Variants in AUTS2 observed in about 807,000 individuals in gnomAD.
The protein encoded by AUTS2 is autism susceptibility gene 2 protein.
A neutral mutation model predicts 112.4 loss-of-function variants in AUTS2; 17 were observed. The observed-to-expected ratio is 0.15, with a 90% CI of 0.10 to 0.23. AUTS2 has a LOEUF of 0.23. Among genes scored for constraint, AUTS2 ranks in the 10% least tolerant of loss-of-function variants. AUTS2 has a pLI of 1.00. For synonymous variants in AUTS2, 751 were observed against 702.7 expected (o/e 1.07, Z -1.09); for missense variants, 1,510 against 1,701.6 (o/e 0.89, Z 1.98).
chr7:70,661,215 T>C (rs774182179), intron 5 of AUTS2, among the ~76,000 whole-genome samples: 5 of 151,924 alleles, frequency 3.3e-5, no homozygotes, highest in Non-Finnish European at 7.4e-5. Context: ...ACATAGGTTG[T>C]TTCAGAAGAA....
intron 1 of AUTS2, among the ~76,000 whole-genome samples, chr7:69,739,905 T>C (rs899497049): frequency 6.6e-6 from 1 of 152,204 alleles, no homozygotes; most frequent in African/African-American, 2.4e-5. Context: ...TCTGGAGAAT[T>C]AGAAACCAGC....
chr7:70,310,623 AAAAG>A (rs1296905564), intron 4 of AUTS2, among the ~76,000 whole-genome samples: 1 of 151,728 alleles, frequency 6.6e-6, no homozygotes. Flanking sequence ...AAAAAAAAAA[AAAAG>A]AAAGAAGTCA....
intron 2 of AUTS2, among the ~76,000 whole-genome samples, chr7:69,967,301 T>G (rs1364242183): frequency 1.4e-5 from 2 of 141,314 alleles, no homozygotes; most frequent in African/African-American, 5.6e-5. Flanking sequence ...AGGAGAAGGT[T>G]GTCCTTCTGG....
chr7:70,191,709 ATTGT>A (rs1396529047), intron 4 of AUTS2, among the ~76,000 whole-genome samples: 1 of 152,176 alleles, frequency 6.6e-6, no homozygotes, highest in Non-Finnish European at 1.5e-5. Context: ...AATGCAACAG[ATTGT>A]TTGTAACCAT....
intron 4 of AUTS2, among the ~76,000 whole-genome samples, chr7:70,279,855 C>A (rs1263639128): frequency 2.0e-5 from 3 of 152,118 alleles, no homozygotes; most frequent in African/African-American, 7.2e-5. Flanking sequence ...ATGCCCCCTT[C>A]CATTGTAAAA....
At chr7:70,359,401 C>T (rs1314051042) in intron 4 of AUTS2, among the ~76,000 whole-genome samples, 2 of 152,158 alleles carry the variant, frequency 1.3e-5, no homozygotes, top group African/African-American at 4.8e-5. Flanking sequence ...GAATACCTGA[C>T]ACTGGGTAAT....
chr7:70,234,537 G>A (rs918287737), intron 4 of AUTS2, among the ~76,000 whole-genome samples: 1 of 152,050 alleles, frequency 6.6e-6, no homozygotes, highest in Non-Finnish European at 1.5e-5. Context: ...CTGTCTTAAC[G>A]GCTCTGTGGT....
intron 1 of AUTS2, among the ~76,000 whole-genome samples, chr7:69,689,479 T>C (rs1797219135): frequency 6.7e-6 from 1 of 149,242 alleles, no homozygotes. Flanking sequence ...GCTTTCCGAG[T>C]AGCTGGGACT....
intron 4 of AUTS2, among the ~76,000 whole-genome samples, chr7:70,151,806 T>G (rs1339701171): frequency 6.6e-6 from 1 of 152,170 alleles, no homozygotes; most frequent in Non-Finnish European, 1.5e-5. Context: ...TTCAAGTGAC[T>G]TAACTGAATT....
chr7:70,311,526 A>T (rs545693117), intron 4 of AUTS2, among the ~76,000 whole-genome samples: 4 of 152,068 alleles, frequency 2.6e-5, no homozygotes, highest in Non-Finnish European at 5.9e-5. Context: ...CCTATGGGGA[A>T]ATCTCTTTTT....
At chr7:70,605,546 C>CTTTTTTTTTTTTTTTTT in intron 5 of AUTS2, among the ~76,000 whole-genome samples, 22 of 70,678 alleles carry the variant, frequency 3.1e-4, no homozygotes, top group African/African-American at 4.0e-4. Flanking sequence ...CCTTCTTTCT[C>CTTTTTTTTTTTTTTTTT]TTTTTTTTTT....
At chr7:70,212,632 G>A (rs1584883738) in intron 4 of AUTS2, among the ~76,000 whole-genome samples, 1 of 151,146 alleles carries the variant, frequency 6.6e-6, no homozygotes, top group Non-Finnish European at 1.5e-5. Flanking sequence ...AAAATCTCTG[G>A]ATTACTTTAA....
intron 5 of AUTS2, among the ~76,000 whole-genome samples, chr7:70,514,450 A>G (rs920475867): frequency 1.3e-5 from 2 of 152,230 alleles, no homozygotes; most frequent in African/African-American, 4.8e-5. Context: ...GAAAGCAAAG[A>G]GGGAGCCAAT....
intron 2 of AUTS2, among the ~76,000 whole-genome samples, chr7:69,959,658 G>A (rs929430333): frequency 2.0e-5 from 3 of 151,922 alleles, no homozygotes; most frequent in South Asian, 2.1e-4. Flanking sequence ...AAAGCTTTAC[G>A]TCTCTTATCC....
chr7:69,912,978 A>G (rs1795425724), intron 2 of AUTS2, among the ~76,000 whole-genome samples: 1 of 152,220 alleles, frequency 6.6e-6, no homozygotes, highest in South Asian at 2.1e-4. Context: ...CCATCTAAAT[A>G]AGATTGAAGC....
rs1323047387 is a variant in AUTS2 at position 70,766,100 on chromosome 7, T to C, written c.1469-14T>C. 5 of 1,609,224 alleles carry C rather than the reference T, an allele frequency of 3.1e-6. No homozygotes were observed. The South Asian group carries it at 3.3e-5, about 11-fold the overall frequency. On this transcript the variant is annotated splice_polypyrimidine_tract_variant and intron_variant, in intron 8 of 18. Coordinates refer to ENST00000342771, the MANE Select transcript of AUTS2 (RefSeq NM_015570.4). This position sits in a 1 kb window ranked among gnomAD's most constrained non-coding sequence, Gnocchi z 4.8. The stretch of plus-strand genomic sequence containing the variant: ...AGGAAAAGGCGTCATCGTCTCCCTC[T>C]TCTTCTCTTCCAGAGCAAGACATCT...
At chr7:70,188,535 A>T (rs1809720138) in intron 4 of AUTS2, among the ~76,000 whole-genome samples, 1 of 152,258 alleles carries the variant, frequency 6.6e-6, no homozygotes, top group Admixed American at 6.5e-5. Flanking sequence ...CCATGAGCCC[A>T]TCTGAAATCA....
At chr7:69,783,881 A>C (rs1022407566) in intron 1 of AUTS2, among the ~76,000 whole-genome samples, 2 of 152,216 alleles carry the variant, frequency 1.3e-5, no homozygotes, top group African/African-American at 2.4e-5. Context: ...CTTAAAGCCA[A>C]TTTATAGTAT....
In AUTS2 at chr7:70,608,313, C is replaced by T. The variant is rs113669674; in HGVS notation, c.691-90256C>T. On this transcript the variant is annotated intron_variant, in intron 5 of 18. Transcript: ENST00000342771. ...ATAGATGGGGTCTCACTATGTTGCCCAGCCTGTCCTCAAACTCCTGGGCTC... is the reference window on the plus strand; with the variant it reads ...ATAGATGGGGTCTCACTATGTTGCCTAGCCTGTCCTCAAACTCCTGGGCTC... 6.8e-4 allele frequency among the ~76,000 whole-genome samples: 103 copies of T among 152,120 alleles called. 1 individual carries two copies. Among genetic ancestry groups the T allele is most frequent in the African/African-American group, 2.2e-3 (93 of 41,478 alleles).
Sources: allele counts gnomAD v4.1 joint callset (sites outside exome capture counted in the v4.1 genomes callset), GRCh38; gene constraint gnomAD v4.1.1; non-coding constraint Gnocchi (gnomAD v3.1); transcripts MANE v1.5; gene names NCBI Gene and HGNC (gene_info 2026-07-23, HGNC 2026-07-21).